ADORA2B: variants seen among roughly 807,000 people sequenced by gnomAD.
The protein encoded by ADORA2B is adenosine receptor A2b.
In ADORA2B, 18 loss-of-function variants were observed where a neutral mutation model predicts 20.8. The ratio of observed to expected loss-of-function variants is 0.87; its 90% CI spans 0.60 to 1.29. The LOEUF (loss-of-function observed/expected upper bound fraction) is 1.29, where lower values mean the gene tolerates loss of function less well. Among genes scored for constraint, ADORA2B ranks in the 50% most tolerant of loss-of-function variants. The pLI is 0.00. For synonymous variants in ADORA2B, 179 were observed against 178.3 expected (o/e 1.00, Z -0.03); for missense variants, 441 against 422.7 (o/e 1.04, Z -0.38).
intron 1 of ADORA2B, among the ~76,000 whole-genome samples, chr17:15,958,603 T>G (rs557653496): frequency 2.0e-5 from 3 of 152,276 alleles, no homozygotes; most frequent in Non-Finnish European, 4.4e-5. Context: ...ATCCCCGTCC[T>G]CTCTTTCCTT....
chr17:15,899,722 A>G, the ADORA2B span, among the ~76,000 whole-genome samples: 1 of 152,168 alleles, frequency 6.6e-6, no homozygotes, highest in Non-Finnish European at 1.5e-5. Context: ...TATGTGGGTT[A>G]GCTTAGGATT....
chr17:15,881,388 A>G, the ADORA2B span, among the ~76,000 whole-genome samples: 1 of 152,254 alleles, frequency 6.6e-6, no homozygotes, highest in Non-Finnish European at 1.5e-5. Context: ...GATATGAGCC[A>G]CCACGCCCGG....
At chr17:15,945,733 C>A in intron 1 of ADORA2B, 150 bp downstream of exon 1, 1 of 720,878 alleles carries the variant, frequency 1.4e-6, no homozygotes, top group Non-Finnish European at 2.2e-6. Flanking sequence ...CCAGCCTGGC[C>A]ACCCCGCAAC....
chr17:15,868,473 A>G, the ADORA2B span, among the ~76,000 whole-genome samples: 3 of 139,672 alleles, frequency 2.1e-5, 1 homozygote, highest in African/African-American at 7.6e-5. Context: ...TATTCTGTAT[A>G]AGAAATTGTT....
At chr17:15,955,811 C>T (rs557281072) in intron 1 of ADORA2B, among the ~76,000 whole-genome samples, 11 of 151,968 alleles carry the variant, frequency 7.2e-5, no homozygotes, top group African/African-American at 7.2e-5. Context: ...TTTCACCTCC[C>T]GGGTTCAAGT....
intron 1 of ADORA2B, among the ~76,000 whole-genome samples, chr17:15,966,696 G>A (rs138106339): frequency 1.2e-3 from 177 of 152,324 alleles, no homozygotes; most frequent in Admixed American, 2.7e-3. Context: ...GCACAGCTCC[G>A]TACACAGTGG....
chr17:15,867,712 G>C, the ADORA2B span, among the ~76,000 whole-genome samples: 1 of 148,738 alleles, frequency 6.7e-6, no homozygotes, highest in South Asian at 2.1e-4. Context: ...CCGTCCGGGA[G>C]GTGAGGGGCG....
chr17:15,872,970 G>A, the ADORA2B span, among the ~76,000 whole-genome samples: 808 of 152,256 alleles, frequency 5.3e-3, 5 homozygotes, highest in African/African-American at 0.018. Context: ...GGGCATCATT[G>A]TCTTGTTCCT....
At chr17:15,959,016 C>T (rs1020447945) in intron 1 of ADORA2B, among the ~76,000 whole-genome samples, 1 of 152,044 alleles carries the variant, frequency 6.6e-6, no homozygotes, top group African/African-American at 2.4e-5. Context: ...TGTGTATAAT[C>T]GGGGGTGGGA....
At chr17:15,878,452 G>T in the ADORA2B span, among the ~76,000 whole-genome samples, 7 of 152,122 alleles carry the variant, frequency 4.6e-5, no homozygotes, top group African/African-American at 1.7e-4. Flanking sequence ...CCCAGCCAGG[G>T]CCCTGTGAGT....
rs781577406 is a variant in ADORA2B at position 15,975,147 on chromosome 17, C to G, written c.804C>G (p.Pro268=). Residue 268 remains proline, a synonymous_variant, in exon 2 of 2, where the codon CCC becomes CCG. Coordinates refer to ENST00000304222, the MANE Select transcript of ADORA2B (RefSeq NM_000676.4). ...AGCCAGCTCAGGGTAAAAATAAGCC[C>G]AAGTGGGCAATGAATATGGCCATTC... ...LFQPAQGKNK[P]KWAMNMAILL... is the part of the protein sequence containing the mutation. 3.1e-6 allele frequency: 5 copies of G among 1,614,076 alleles called. No individual in the cohort carries two copies. In the African/African-American group the frequency reaches 6.7e-5, roughly 22 times the overall value.
At chr17:15,940,599 C>G (rs1429893746), upstream of ADORA2B, among the ~76,000 whole-genome samples, 1 of 152,214 alleles carries the variant, frequency 6.6e-6, no homozygotes, top group Non-Finnish European at 1.5e-5. Context: ...TAAAATTTCC[C>G]TCTGACACTC....
At chr17:15,914,047 A>G in the ADORA2B span, among the ~76,000 whole-genome samples, 22 of 152,240 alleles carry the variant, frequency 1.4e-4, no homozygotes, top group Admixed American at 3.9e-4. Context: ...AGCCAGGAAC[A>G]GGCACCTAGG....
At chr17:15,931,134 C>G in the ADORA2B span, among the ~76,000 whole-genome samples, 7 of 152,234 alleles carry the variant, frequency 4.6e-5, no homozygotes, top group East Asian at 7.7e-4. Context: ...CTGGGCAACA[C>G]AGCAAGGCCC....
the ADORA2B span, among the ~76,000 whole-genome samples, chr17:15,898,584 G>A: frequency 6.6e-6 from 1 of 151,826 alleles, no homozygotes; most frequent in African/African-American, 2.4e-5. Flanking sequence ...GGCCAGGCTG[G>A]TCTCGAACTC....
At chr17:15,969,205 C>T (rs1255357240) in intron 1 of ADORA2B, among the ~76,000 whole-genome samples, 1 of 152,126 alleles carries the variant, frequency 6.6e-6, no homozygotes, top group African/African-American at 2.4e-5. Flanking sequence ...AATCCCAGCA[C>T]TGTGGGAGGC....
chr17:15,855,099 C>G, the ADORA2B span, among the ~76,000 whole-genome samples: 3 of 151,358 alleles, frequency 2.0e-5, no homozygotes, highest in South Asian at 4.2e-4. Context: ...CCGGCTAATT[C>G]TATATTTTTT....
the ADORA2B span, among the ~76,000 whole-genome samples, chr17:15,870,720 A>C: frequency 6.6e-6 from 1 of 152,260 alleles, no homozygotes; most frequent in African/African-American, 2.4e-5. Context: ...AACAGCAAGC[A>C]ACCCCTGAAA....
chr17:15,934,241 T>G, the ADORA2B span, among the ~76,000 whole-genome samples: 2 of 152,190 alleles, frequency 1.3e-5, no homozygotes, highest in Non-Finnish European at 2.9e-5. Flanking sequence ...ATTTTTTTAT[T>G]TTTTTGAGAT....
Sources: gnomAD v4.1 joint callset for allele counts (sites outside exome capture counted in the v4.1 genomes callset) on GRCh38, gnomAD v4.1.1 for gene constraint, MANE v1.5 for transcripts, NCBI Gene and HGNC (gene_info 2026-07-23, HGNC 2026-07-21) for gene names.